Variants in NAALADL2 observed in about 807,000 individuals in gnomAD.
NAALADL2 encodes the protein N-acetylated alpha-linked acidic dipeptidase like 2.
In NAALADL2, 76 loss-of-function variants were observed where a neutral mutation model predicts 87.2. The observed-to-expected ratio is 0.87, with a 90% CI of 0.72 to 1.05. NAALADL2 has a LOEUF of 1.05. Among genes scored for constraint, NAALADL2 ranks in the 50% least tolerant of loss-of-function variants. The pLI, the probability that NAALADL2 is intolerant of heterozygous loss-of-function variation, is 0.00. For missense variants in NAALADL2, 1,089 were observed against 945.8 expected (o/e 1.15, Z -1.99); for synonymous variants, 354 against 331.0 (o/e 1.07, Z -0.75).
At chr3:174,972,868 T>C (rs1290634428) in intron 1 of NAALADL2, among the ~76,000 whole-genome samples, 1 of 151,936 alleles carries the variant, frequency 6.6e-6, no homozygotes, top group Non-Finnish European at 1.5e-5. Context: ...TGGTGATGCA[T>C]GCCCATAATC....
intron 9 of NAALADL2, among the ~76,000 whole-genome samples, chr3:175,532,486 G>A (rs1239239442): frequency 2.6e-5 from 4 of 152,170 alleles, no homozygotes; most frequent in East Asian, 1.9e-4. Flanking sequence ...TTGAGGGGCC[G>A]TGATTCTCTG....
At chr3:175,434,388 T>A (rs1260751361) in intron 5 of NAALADL2, among the ~76,000 whole-genome samples, 1 of 152,032 alleles carries the variant, frequency 6.6e-6, no homozygotes, top group Non-Finnish European at 1.5e-5. Context: ...TCTTTTCTTG[T>A]GTCAATATTT....
intron 1 of NAALADL2, among the ~76,000 whole-genome samples, chr3:174,875,418 T>C (rs1481842032): frequency 1.3e-5 from 2 of 152,150 alleles, no homozygotes; most frequent in South Asian, 4.1e-4. Context: ...TATGGACTTC[T>C]AGTATGAACC....
chr3:175,787,432 C>T (rs1036116439), intron 13 of NAALADL2, among the ~76,000 whole-genome samples: 13 of 152,172 alleles, frequency 8.5e-5, no homozygotes, highest in Non-Finnish European at 1.6e-4. Flanking sequence ...TTTTTTAAGC[C>T]GGTCCGAAAA....
chr3:175,016,084 A>T (rs1373623860), intron 1 of NAALADL2, among the ~76,000 whole-genome samples: 4 of 151,628 alleles, frequency 2.6e-5, no homozygotes, highest in Non-Finnish European at 5.9e-5. Context: ...TACAATATTC[A>T]CCTGAAACTC....
intron 2 of NAALADL2, among the ~76,000 whole-genome samples, chr3:174,673,894 T>C (rs538919855): frequency 1.3e-5 from 2 of 152,142 alleles, no homozygotes; most frequent in African/African-American, 4.8e-5. Flanking sequence ...TGTATGCATG[T>C]ATCAAAATAT....
intron 9 of NAALADL2, among the ~76,000 whole-genome samples, chr3:175,533,398 A>C (rs759775619): frequency 3.3e-5 from 5 of 152,098 alleles, no homozygotes; most frequent in African/African-American, 7.2e-5. Flanking sequence ...TCCTGAGGAG[A>C]ATCAACATTA....
chr3:175,716,262 A>G (rs1279910086), intron 11 of NAALADL2, among the ~76,000 whole-genome samples: 1 of 132,538 alleles, frequency 7.5e-6, no homozygotes. Context: ...ATATATGTAT[A>G]TAATATATAT....
chr3:174,813,727 C>T (rs1324150808), intron 3 of NAALADL2, among the ~76,000 whole-genome samples: 2 of 115,440 alleles, frequency 1.7e-5, no homozygotes, highest in African/African-American at 3.0e-5. Context: ...TTTACAAGCA[C>T]GATCATAGTG....
chr3:175,033,728 CA>C (rs376604698), intron 1 of NAALADL2, among the ~76,000 whole-genome samples: 1 of 152,132 alleles, frequency 6.6e-6, no homozygotes, highest in African/African-American at 2.4e-5. Flanking sequence ...ACTGGAATAT[CA>C]CAAGCTCAAT....
chr3:175,108,236 C>G (rs1723568551), intron 2 of NAALADL2, among the ~76,000 whole-genome samples: 1 of 151,888 alleles, frequency 6.6e-6, no homozygotes, highest in Non-Finnish European at 1.5e-5. Context: ...TAATACAAGG[C>G]AAGCTAATGT....
intron 1 of NAALADL2, among the ~76,000 whole-genome samples, chr3:174,896,747 G>C (rs1014958067): frequency 6.6e-5 from 10 of 152,052 alleles, no homozygotes; most frequent in Non-Finnish European, 8.8e-5. Flanking sequence ...AACGAAACTG[G>C]ACGAGTCACA....
chr3:175,796,178 G>C (rs1753471947), intron 13 of NAALADL2, among the ~76,000 whole-genome samples: 1 of 151,700 alleles, frequency 6.6e-6, no homozygotes, highest in African/African-American at 2.4e-5. Context: ...CTGTGGGGAG[G>C]GGAAGGAGAG....
intron 1 of NAALADL2, among the ~76,000 whole-genome samples, chr3:174,937,333 G>C (rs1443835560): frequency 1.3e-5 from 2 of 151,984 alleles, no homozygotes; most frequent in Non-Finnish European, 2.9e-5. Flanking sequence ...AACAGGGTAA[G>C]ACAGGTAAAG....
intron 11 of NAALADL2, among the ~76,000 whole-genome samples, chr3:175,731,759 C>A (rs1039128931): frequency 6.6e-6 from 1 of 152,152 alleles, no homozygotes; most frequent in Non-Finnish European, 1.5e-5. Context: ...TTCCAGTGTT[C>A]AAGGTGCCAA....
chr3:175,639,220 A>T (rs1728945461), intron 11 of NAALADL2, among the ~76,000 whole-genome samples: 1 of 152,094 alleles, frequency 6.6e-6, no homozygotes. Context: ...TTCTCTAGCA[A>T]ACAGGTGCAC....
chr3:175,510,645 C>T (rs1246764589), intron 9 of NAALADL2, among the ~76,000 whole-genome samples: 1 of 152,146 alleles, frequency 6.6e-6, no homozygotes, highest in Non-Finnish European at 1.5e-5. Context: ...ATAAAGTAGG[C>T]ACTGTTATTG....
chr3:175,536,832 A>T (rs1734883471), intron 9 of NAALADL2, among the ~76,000 whole-genome samples: 1 of 152,148 alleles, frequency 6.6e-6, no homozygotes. Context: ...ATACAAAAAA[A>T]TTAGCCGGGC....
intron 1 of NAALADL2, among the ~76,000 whole-genome samples, chr3:174,952,184 C>T (rs1205334982): frequency 1.3e-5 from 2 of 152,160 alleles, no homozygotes; most frequent in African/African-American, 2.4e-5. Context: ...ATCTTTCTAA[C>T]ATAGTTCTTA....
Sources: allele counts gnomAD v4.1 joint callset (sites outside exome capture counted in the v4.1 genomes callset), GRCh38; gene constraint gnomAD v4.1.1; transcripts MANE v1.5; gene names NCBI Gene and HGNC (gene_info 2026-07-23, HGNC 2026-07-21).